Variants in DOCK10 observed in about 807,000 individuals in gnomAD.
DOCK10 encodes the protein dedicator of cytokinesis protein 10.
DOCK10 carries 145 observed loss-of-function variants against 280.1 expected under a neutral mutation model. The observed-to-expected ratio is 0.52, with a 90% CI of 0.45 to 0.59. The LOEUF (loss-of-function observed/expected upper bound fraction) is 0.59. Among genes scored for constraint, DOCK10 ranks in the 20% least tolerant of loss-of-function variants. DOCK10 has a pLI of 0.00. For synonymous variants in DOCK10, 915 were observed against 942.2 expected (o/e 0.97, Z 0.53); for missense variants, 2,368 against 2,651.7 (o/e 0.89, Z 2.35).
intron 25 of DOCK10, 150 bp from the exon 26 acceptor site, chr2:224,834,413 A>T: frequency 1.6e-6 from 1 of 610,252 alleles, no homozygotes; most frequent in South Asian, 2.0e-5. Context: ...TAAGAGCAGT[A>T]CACACCTGTT....
chr2:225,001,756 G>A (rs1706436345), intron 1 of DOCK10, among the ~76,000 whole-genome samples: 2 of 152,200 alleles, frequency 1.3e-5, no homozygotes, highest in African/African-American at 4.8e-5. Flanking sequence ...TCGAGGCGTC[G>A]GCAGGTGTGG....
At chr2:224,774,855 G>A in intron 52 of DOCK10, 50 bp downstream of exon 52, 1 of 1,502,810 alleles carries the variant, frequency 6.7e-7, no homozygotes, top group South Asian at 1.2e-5. Flanking sequence ...CTATAAAGGG[G>A]CCTGTGCTGG....
intron 31 of DOCK10, among the ~76,000 whole-genome samples, chr2:224,812,120 A>G (rs962718093): frequency 1.1e-4 from 16 of 152,218 alleles, no homozygotes; most frequent in African/African-American, 3.9e-4. Context: ...ACCCATGAGC[A>G]TGGAATGTTC....
At chr2:224,905,605 TA>T (rs1700576020) in intron 3 of DOCK10, among the ~76,000 whole-genome samples, 1 of 152,210 alleles carries the variant, frequency 6.6e-6, no homozygotes, top group Non-Finnish European at 1.5e-5. Flanking sequence ...AGAATTCTAA[TA>T]TTTTTATTGG....
rs57078182 is a variant in DOCK10 at position 224,780,815 on chromosome 2, G to A, written c.5656-2531C>T. Among the ~76,000 whole-genome samples the A allele has an allele frequency of 0.015, 2,275 of 151,892 alleles. 148 individuals are homozygous for A. In the East Asian group the frequency reaches 0.21, roughly 14 times the overall value. ...CTCAGGAGGCTGAGGCAGGAGAATC[G>A]CTTGAATCCAGGAGGCGGAGGTTGC... On this transcript the variant is annotated intron_variant, in intron 50 of 55. Transcript: ENST00000258390.
intron 11 of DOCK10, among the ~76,000 whole-genome samples, chr2:224,868,991 C>A (rs1333060405): frequency 6.6e-6 from 1 of 152,036 alleles, no homozygotes; most frequent in Non-Finnish European, 1.5e-5. Flanking sequence ...AAAATTAAAG[C>A]TCATGTGGTG....
chr2:224,859,414 G>C (rs1211096539), intron 14 of DOCK10, among the ~76,000 whole-genome samples: 3 of 152,146 alleles, frequency 2.0e-5, no homozygotes, highest in Non-Finnish European at 2.9e-5. Context: ...ACATTTGGAA[G>C]GGTCAATTTT....
At chr2:224,962,284 G>A (rs1156365523) in intron 1 of DOCK10, among the ~76,000 whole-genome samples, 2 of 152,212 alleles carry the variant, frequency 1.3e-5, no homozygotes, top group African/African-American at 4.8e-5. Context: ...TAGGTATGTA[G>A]CATTGGGTTC....
intron 16 of DOCK10, among the ~76,000 whole-genome samples, chr2:224,854,506 A>G (rs1017192654): frequency 2.0e-5 from 3 of 152,216 alleles, no homozygotes; most frequent in African/African-American, 7.2e-5. Context: ...TGGCAGCACA[A>G]TATGGCAGAA....
At chr2:224,908,914 A>G (rs1328752254) in intron 3 of DOCK10, among the ~76,000 whole-genome samples, 2 of 152,186 alleles carry the variant, frequency 1.3e-5, no homozygotes, top group Non-Finnish European at 2.9e-5. Flanking sequence ...CCGCAGCAGC[A>G]TTGGTTTTCA....
chr2:224,905,114 A>C (rs1700520661), intron 3 of DOCK10, among the ~76,000 whole-genome samples: 1 of 151,870 alleles, frequency 6.6e-6, no homozygotes, highest in African/African-American at 2.4e-5. Context: ...AAGAGATTTC[A>C]TTTTCAATAT....
intron 1 of DOCK10, among the ~76,000 whole-genome samples, chr2:224,978,887 T>C (rs1356261803): frequency 6.6e-6 from 1 of 152,226 alleles, no homozygotes; most frequent in Non-Finnish European, 1.5e-5. Context: ...GTTCTTTATC[T>C]GAATGGCAAC....
intron 1 of DOCK10, among the ~76,000 whole-genome samples, chr2:225,031,789 C>T (rs558920620): frequency 6.6e-6 from 1 of 152,262 alleles, no homozygotes; most frequent in East Asian, 1.9e-4. Flanking sequence ...GCAGATGGGG[C>T]TTACCCTTCT....
rs149310830 is a variant in DOCK10 at position 225,016,805 on chromosome 2, C to T, written c.123+25447G>A. On this transcript the variant is annotated intron_variant, in intron 1 of 55. Transcript: ENST00000258390. Reference sequence around the variant, plus strand: ...GCAACCTCCGCCTCCCGTGTTCAAGCGATTCTCTTGCCTTGGCCTCCCGAG... The same window carrying T: ...GCAACCTCCGCCTCCCGTGTTCAAGTGATTCTCTTGCCTTGGCCTCCCGAG... Among the ~76,000 whole-genome samples the T allele has an allele frequency of 3.3e-3, 494 of 151,652 alleles. 18 individuals are homozygous for T. The East Asian group carries it at 0.086, about 26-fold the overall frequency.
At chr2:224,911,596 T>C (rs535986449) in intron 3 of DOCK10, among the ~76,000 whole-genome samples, 6 of 152,274 alleles carry the variant, frequency 3.9e-5, no homozygotes, top group Non-Finnish European at 7.4e-5. Flanking sequence ...CTTGAAAGCA[T>C]GCCTGGCAAT....
chr2:224,844,737 A>C lies in DOCK10; in HGVS notation c.2568+16T>G. On this transcript the variant is annotated intron_variant, in intron 22 of 55. Transcript: ENST00000258390. ...GAGTTAGAGAAGATGCTAGTATTTCAGGTCAACATACTCACCTGAGTATTT... is the reference window on the plus strand; with the variant it reads ...GAGTTAGAGAAGATGCTAGTATTTCCGGTCAACATACTCACCTGAGTATTT... 6.6e-7 allele frequency: 1 copy of C among 1,519,196 alleles called. No homozygotes were observed. The allele number at this position is 1,519,196 out of a possible 1,614,324, so 94.1% of individuals were successfully genotyped here. A position where few individuals can be genotyped will look rare whatever the true frequency, so the allele number is the denominator to read the frequency against.
chr2:225,038,823 TCCA>T lies in DOCK10; in HGVS notation c.123+3426_123+3428del, dbSNP rs531441882. ...TTTGATCTCTAGTAAATGCTTCCTTTCCATCATCTGACTCTATGTAGATCTCAT... is the reference window on the plus strand; with the variant it reads ...TTTGATCTCTAGTAAATGCTTCCTTTTCATCTGACTCTATGTAGATCTCAT... On this transcript the variant is annotated intron_variant, in intron 1 of 55. Coordinates refer to ENST00000258390, the MANE Select transcript of DOCK10 (RefSeq NM_014689.3). Among the ~76,000 whole-genome samples the T allele has an allele frequency of 6.2e-3, 946 of 152,274 alleles. 8 individuals are homozygous for T. Among genetic ancestry groups the T allele is most frequent in the Middle Eastern group, 0.017 (5 of 294 alleles).
At chr2:224,918,519 GT>G (rs146955164) in intron 2 of DOCK10, among the ~76,000 whole-genome samples, 34,563 of 149,512 alleles carry the variant, frequency 0.23, 4,348 homozygotes, top group Non-Finnish European at 0.28. Context: ...TGTATGTGTA[GT>G]GTTAGAGTGT....
intron 1 of DOCK10, among the ~76,000 whole-genome samples, chr2:224,984,484 T>C (rs1028214068): frequency 6.6e-6 from 1 of 152,212 alleles, no homozygotes; most frequent in African/African-American, 2.4e-5. Context: ...CCCCTATTAT[T>C]GACGGGCTGC....
Sources: gnomAD v4.1 joint callset for allele counts (sites outside exome capture counted in the v4.1 genomes callset) on GRCh38, gnomAD v4.1.1 for gene constraint, MANE v1.5 for transcripts, NCBI Gene and HGNC (gene_info 2026-07-23, HGNC 2026-07-21) for gene names.